Variants in VPS13B observed in about 807,000 individuals in gnomAD.
VPS13B encodes vacuolar protein sorting 13 homolog B.
A neutral mutation model predicts 426.4 loss-of-function variants in VPS13B; 285 were observed. The observed-to-expected ratio is 0.67, with a 90% CI of 0.61 to 0.74. The LOEUF is 0.74. Ranked by LOEUF, VPS13B falls within the 30% of genes least tolerant of loss-of-function variation. The probability of loss-of-function intolerance (pLI) is 0.00; values close to 1 mark genes in which losing one functional copy is unlikely to be tolerated. For missense variants in VPS13B, 4,537 were observed against 4,782.6 expected, an observed-to-expected ratio of 0.95 and a Z score of 1.51; for synonymous variants, 1,676 against 1,676.4, an observed-to-expected ratio of 1.00 and a Z score of 0.01.
chr8:99,775,737 A>C (rs953585663), intron 40 of VPS13B, among the ~76,000 whole-genome samples: 1 of 152,068 alleles, frequency 6.6e-6, no homozygotes, highest in Admixed American at 6.6e-5. Context: ...ATCTCTACTA[A>C]AAATACAAAA....
intron 21 of VPS13B, among the ~76,000 whole-genome samples, chr8:99,430,188 G>C (rs1588370488): frequency 6.6e-6 from 1 of 152,060 alleles, no homozygotes; most frequent in African/African-American, 2.4e-5. Flanking sequence ...GAAAGAAAAA[G>C]TCCGTTCTTC....
chr8:99,429,978 A>G (rs1356907115), intron 21 of VPS13B, among the ~76,000 whole-genome samples: 2 of 152,098 alleles, frequency 1.3e-5, no homozygotes, highest in Non-Finnish European at 2.9e-5. Flanking sequence ...TGCTGAAGCC[A>G]TCTTTGCCTC....
intron 16 of VPS13B, among the ~76,000 whole-genome samples, chr8:99,185,594 G>C (rs1225093698): frequency 6.6e-6 from 1 of 152,042 alleles, no homozygotes; most frequent in African/African-American, 2.4e-5. Context: ...TTTGCATTTT[G>C]GGACTCTATA....
chr8:99,624,063 G>A (rs1400141130), intron 33 of VPS13B, among the ~76,000 whole-genome samples: 2 of 118,006 alleles, frequency 1.7e-5, no homozygotes, highest in Non-Finnish European at 3.2e-5. Context: ...TGACCCAATA[G>A]CAAATGAACT....
intron 30 of VPS13B, among the ~76,000 whole-genome samples, chr8:99,553,789 A>G (rs1045902939): frequency 4.6e-5 from 7 of 152,134 alleles, no homozygotes; most frequent in African/African-American, 1.7e-4. Flanking sequence ...GAATTTTTTC[A>G]AATCAAGTAT....
At position 99,211,889 on chromosome 8, in the gene VPS13B, T is replaced by G. The variant is rs530828608; in HGVS notation, c.2515+18832T>G. 2.6e-5 allele frequency among the ~76,000 whole-genome samples: 4 copies of G among 152,268 alleles called. No homozygotes were observed. In the South Asian group the frequency reaches 6.2e-4, roughly 24 times the overall value. ...ATCAAAGCAATTGTGCAATTTTATT[T>G]TTTTAATTTTAATTTTTTTTTGAGA... is the stretch of plus-strand genomic sequence containing the variant. On this transcript the variant is annotated intron_variant, in intron 17 of 61. Transcript: ENST00000357162.
At chr8:99,161,785 T>G (rs1366911929) in intron 15 of VPS13B, among the ~76,000 whole-genome samples, 1 of 147,276 alleles carries the variant, frequency 6.8e-6, no homozygotes, top group Non-Finnish European at 1.5e-5. Context: ...CAGGCTGGAG[T>G]GCAGTGGCAC....
intron 19 of VPS13B, among the ~76,000 whole-genome samples, chr8:99,365,673 C>G (rs935952769): frequency 6.6e-6 from 1 of 151,790 alleles, no homozygotes; most frequent in African/African-American, 2.4e-5. Flanking sequence ...CACACCACCA[C>G]GCATGGCTAA....
intron 35 of VPS13B, chr8:99,696,631 T>C: frequency 1.5e-6 from 1 of 686,314 alleles, no homozygotes; most frequent in Non-Finnish European, 2.8e-6. Context: ...CGGGTCAACC[T>C]GGAGCTGGCA....
At chr8:99,306,929 T>C (rs1320210811) in intron 19 of VPS13B, among the ~76,000 whole-genome samples, 2 of 152,118 alleles carry the variant, frequency 1.3e-5, no homozygotes, top group African/African-American at 4.8e-5. Context: ...TGAGGCAGAG[T>C]TAGATTTCAA....
chr8:99,204,603 C>T (rs924510155), intron 17 of VPS13B, among the ~76,000 whole-genome samples: 11 of 152,066 alleles, frequency 7.2e-5, no homozygotes, highest in African/African-American at 2.7e-4. Flanking sequence ...TTTTTGTAAT[C>T]TGTTTATTTG....
At chr8:99,764,203 G>A (rs554733927) in intron 39 of VPS13B, among the ~76,000 whole-genome samples, 4 of 152,218 alleles carry the variant, frequency 2.6e-5, no homozygotes, top group Non-Finnish European at 5.9e-5. Context: ...TGAGTCCTGT[G>A]TTAGAGTAGT....
Position 99,096,327 on chromosome 8 carries a change from T to C in VPS13B, c.307T>C (p.Cys103Arg). The C allele has an allele frequency of 6.2e-7, 1 of 1,614,098 alleles. No homozygotes were observed. The highest frequency in any genetic ancestry group is 8.5e-7 in the Non-Finnish European group (1 of 1,179,970). Residue 103 changes from cysteine (C) to arginine (R), a missense_variant, in exon 4 of 62, where the codon TGT (cysteine) becomes CGT (arginine). Transcript: ENST00000357162. ...ATAAAAATAGGATGACCATGAAAGCTGTGGTTCTAATTCTACCAACCGTAG... is the reference window on the plus strand; with the variant it reads ...ATAAAAATAGGATGACCATGAAAGCCGTGGTTCTAATTCTACCAACCGTAG... ...KDGIQDDHES[C>R]GSNSTNRSTA...
chr8:99,803,293 A>C (rs1191510157), intron 43 of VPS13B, among the ~76,000 whole-genome samples: 2 of 152,156 alleles, frequency 1.3e-5, no homozygotes, highest in Admixed American at 1.3e-4. Flanking sequence ...TGCTAATTGC[A>C]CAGTATTTGT....
At chr8:99,422,484 C>T (rs753007561) in intron 21 of VPS13B, among the ~76,000 whole-genome samples, 10 of 152,012 alleles carry the variant, frequency 6.6e-5, no homozygotes, top group South Asian at 2.1e-4. Flanking sequence ...TATTTTTCAT[C>T]GGTAGGTTTT....
chr8:99,235,058 T>A (rs1171479653), intron 17 of VPS13B, among the ~76,000 whole-genome samples: 2 of 152,214 alleles, frequency 1.3e-5, no homozygotes, highest in African/African-American at 4.8e-5. Flanking sequence ...CAAGAGTGCT[T>A]TACAACCATT....
chr8:99,851,307 T>A (rs1471787488), intron 55 of VPS13B, among the ~76,000 whole-genome samples: 1 of 152,130 alleles, frequency 6.6e-6, no homozygotes, highest in Non-Finnish European at 1.5e-5. Flanking sequence ...GATACATCCA[T>A]AAATAAAAAG....
At chr8:99,530,305 TATAATA>T (rs992339549) in intron 30 of VPS13B, among the ~76,000 whole-genome samples, 3 of 152,136 alleles carry the variant, frequency 2.0e-5, no homozygotes, top group African/African-American at 7.2e-5. Context: ...GCAATTATAA[TATAATA>T]ATAGTAATAG....
rs1827601286 is a variant in VPS13B, at chr8:99,606,643, T to C, written c.5220+29010T>C. Among the ~76,000 whole-genome samples the C allele has an allele frequency of 2.7e-5, 4 of 149,704 alleles. No homozygotes were observed. The South Asian group carries it at 8.4e-4, about 31-fold the overall frequency. ...CTTTTTCTTTTCTTTTTTTTTTTTT[T>C]TTTGAGACGGAGTTTCACTCTTGTT... On this transcript the variant is annotated intron_variant, in intron 33 of 61. Transcript: ENST00000357162.
Sources: allele counts gnomAD v4.1 joint callset (sites outside exome capture counted in the v4.1 genomes callset), GRCh38; gene constraint gnomAD v4.1.1; transcripts MANE v1.5; gene names NCBI Gene and HGNC (gene_info 2026-07-23, HGNC 2026-07-21).